TFCP2L1: variants seen among roughly 807,000 people sequenced by gnomAD.
The protein encoded by TFCP2L1 is transcription factor CP2 like 1.
TFCP2L1 carries 12 observed loss-of-function variants against 72.2 expected under a neutral mutation model. The observed-to-expected ratio is 0.17, with a 90% confidence interval of 0.11 to 0.27. The LOEUF (loss-of-function observed/expected upper bound fraction) is 0.27, where lower values mean the gene tolerates loss of function less well. Ranked by LOEUF, TFCP2L1 falls within the 10% of genes least tolerant of loss-of-function variation. TFCP2L1 has a pLI of 1.00. For missense variants in TFCP2L1, 488 were observed against 624.6 expected, an observed-to-expected ratio of 0.78 and a Z score of 2.33; for synonymous variants, 260 against 251.0, an observed-to-expected ratio of 1.04 and a Z score of -0.34.
chr2:121,285,071 C>G lies in TFCP2L1; in HGVS notation c.39G>C (p.Gln13His). ...ACCGCAGGTAGCTGCCGGAGTTGTG[C>G]TGGTTGTAGTGCTCGGGCTGCGTGT... ...FWHTQPEHYNQHNSGSYLRDV... is the reference protein window; with the variant it reads ...FWHTQPEHYNHHNSGSYLRDV... Residue 13 changes from glutamine to histidine, a missense_variant, in exon 1 of 15, where the codon CAG (glutamine) becomes CAC (histidine). This residue lies in a region of TFCP2L1 where 73 missense variants were observed against 59.7 expected (regional missense o/e 1.22). Coordinates refer to ENST00000263707, the MANE Select transcript of TFCP2L1 (RefSeq NM_014553.3). The G allele has an allele frequency of 1.3e-6, 2 of 1,524,000 alleles. No individual in the cohort carries two copies. The highest frequency in any genetic ancestry group is 8.8e-7 in the Non-Finnish European group (1 of 1,138,474). The allele number at this position is 1,524,000 out of a possible 1,614,324, so 94.4% of individuals were successfully genotyped here. A position where few individuals can be genotyped will look rare whatever the true frequency, so the allele number is the denominator to read the frequency against.
At chr2:121,259,333 G>A (rs1686787487) in intron 2 of TFCP2L1, among the ~76,000 whole-genome samples, 1 of 151,460 alleles carries the variant, frequency 6.6e-6, no homozygotes, top group Non-Finnish European at 1.5e-5. Context: ...AAAATATTCA[G>A]CGAGGAAAAA....
intron 2 of TFCP2L1, among the ~76,000 whole-genome samples, chr2:121,276,873 T>C (rs960272169): frequency 1.3e-5 from 2 of 149,754 alleles, no homozygotes; most frequent in Non-Finnish European, 3.0e-5. Context: ...CTTTTAAGCA[T>C]AAAAGAAAAG....
At chr2:121,249,444 G>T in intron 3 of TFCP2L1, 127 bp downstream of exon 3, 1 of 829,934 alleles carries the variant, frequency 1.2e-6, no homozygotes, top group Non-Finnish European at 2.0e-6. Flanking sequence ...TCACCGTTGA[G>T]GGCTGAGCTG....
intron 7 of TFCP2L1, chr2:121,240,803 T>C (rs955261164): frequency 2.2e-6 from 2 of 927,944 alleles, no homozygotes; most frequent in Non-Finnish European, 2.6e-6. Context: ...ATAAATGCAG[T>C]GCTTGCATCC....
At chr2:121,275,673 C>T (rs1046093739) in intron 2 of TFCP2L1, among the ~76,000 whole-genome samples, 2 of 149,728 alleles carry the variant, frequency 1.3e-5, no homozygotes, top group African/African-American at 4.9e-5. Context: ...TGGGTTCAAG[C>T]AATTATCCTG....
intron 2 of TFCP2L1, among the ~76,000 whole-genome samples, chr2:121,274,094 CAA>C (rs569943932): frequency 5.1e-4 from 31 of 60,708 alleles, no homozygotes; most frequent in East Asian, 5.0e-4. Context: ...ACTCTGTCTC[CAA>C]AAAAAAAAAA....
intron 2 of TFCP2L1, among the ~76,000 whole-genome samples, chr2:121,270,027 A>G (rs1481977045): frequency 2.6e-5 from 4 of 151,938 alleles, no homozygotes; most frequent in Non-Finnish European, 4.4e-5. Flanking sequence ...CCAAATATAC[A>G]AGCAGCTCTT....
At chr2:121,256,073 G>T (rs1297290367) in intron 2 of TFCP2L1, among the ~76,000 whole-genome samples, 1 of 152,024 alleles carries the variant, frequency 6.6e-6, no homozygotes, top group African/African-American at 2.4e-5. Flanking sequence ...TTTTATTTCA[G>T]GACCTTCTTC....
intron 2 of TFCP2L1, among the ~76,000 whole-genome samples, chr2:121,280,514 T>C (rs577456386): frequency 7.2e-5 from 11 of 151,972 alleles, no homozygotes; most frequent in Admixed American, 2.0e-4. Flanking sequence ...TCCCAGCACT[T>C]TGGGAGGCGC....
In TFCP2L1 at chr2:121,239,541, A is replaced by G. The variant is rs781131786; in HGVS notation, c.860+17T>C. The G allele has an allele frequency of 6.2e-7, 1 of 1,613,768 alleles. No homozygotes were observed. Among genetic ancestry groups the G allele is most frequent in the Non-Finnish European group, 8.5e-7 (1 of 1,179,696 alleles). On this transcript the variant is annotated intron_variant, in intron 8 of 14. Transcript: ENST00000263707. ...CCTTCATTTCAGGGAACCCGAAGAA[A>G]GAGAGGTGGGACGTACCCTTCGCCG...
In TFCP2L1 at chr2:121,267,570, T is replaced by C. The variant is rs868628584; in HGVS notation, c.214+13550A>G. Among the ~76,000 whole-genome samples, 14 of 151,872 alleles carry C rather than the reference T, an allele frequency of 9.2e-5. No individual in the cohort carries two copies. In the South Asian group the frequency reaches 1.2e-3, roughly 14 times the overall value. On this transcript the variant is annotated intron_variant, in intron 2 of 14. Coordinates refer to ENST00000263707, the MANE Select transcript of TFCP2L1 (RefSeq NM_014553.3). The stretch of plus-strand genomic sequence containing the variant: ...GTGCAGTGGCGCGATCTCGACTCAC[T>C]GCAATCTCCGCCTCCCGGATACAAG...
chr2:121,261,057 G>A (rs1686822399), intron 2 of TFCP2L1, among the ~76,000 whole-genome samples: 1 of 152,228 alleles, frequency 6.6e-6, no homozygotes, highest in African/African-American at 2.4e-5. Flanking sequence ...ACACACGGCT[G>A]ACCTTGTCTC....
chr2:121,249,011 C>T lies in TFCP2L1; in HGVS notation c.368G>A (p.Ser123Asn), dbSNP rs1686547533. Residue 123 changes from serine to asparagine, a missense_variant, in exon 4 of 15, where the codon AGT (serine) becomes AAT (asparagine). Physicochemically the swap from Ser to Asn is conservative, Grantham distance 46 (BLOSUM62 1). Coordinates refer to ENST00000263707, the MANE Select transcript of TFCP2L1 (RefSeq NM_014553.3). The part of the protein sequence containing the change: ...EHQQLEGWRW[S>N]RPGDRILDID... ...GTCCAGGATCCGGTCCCCTGGCCGA[C>T]TCCACCGCCAGCCCTCCAGCTGCTG... is the stretch of plus-strand genomic sequence containing the variant. 6 of 1,603,872 alleles carry T rather than the reference C, an allele frequency of 3.7e-6. No individual in the cohort carries two copies. The South Asian group carries it at 6.8e-5, about 18-fold the overall frequency.
rs941283363 is a variant in TFCP2L1, at chr2:121,240,857, T to C, written c.769-1208A>G. The stretch of plus-strand genomic sequence containing the variant: ...CGTGGGGGAGGCAGGTGACTGACCT[T>C]CAGTCAGATAAAATGCCAGTGCACA... On this transcript the variant is annotated intron_variant, in intron 7 of 14. Coordinates refer to ENST00000263707, the MANE Select transcript of TFCP2L1 (RefSeq NM_014553.3). Among the ~76,000 whole-genome samples, 10 of 152,324 alleles carry C rather than the reference T, an allele frequency of 6.6e-5. No individual in the cohort carries two copies. The East Asian group carries it at 1.5e-3, about 24-fold the overall frequency.
rs1685884566 is a variant in TFCP2L1, at chr2:121,219,131, G to A, written c.*5210C>T. 1 of 152,296 alleles carries A rather than the reference G, an allele frequency of 6.6e-6. No homozygotes were observed. The highest frequency in any genetic ancestry group is 2.1e-4 in the South Asian group (1 of 4,834). The allele number at this position is 152,296 out of a possible 1,614,324, so 9.4% of individuals were successfully genotyped here. On this transcript the variant is annotated 3_prime_UTR_variant, in exon 15 of 15. Coordinates refer to ENST00000263707, the MANE Select transcript of TFCP2L1 (RefSeq NM_014553.3). Reference sequence around the variant, plus strand: ...CGCTCTAGAGACCTTGCCCTGCTCTGGGGGCCTTGCCCAGTGCCACTTACA... The same window carrying A: ...CGCTCTAGAGACCTTGCCCTGCTCTAGGGGCCTTGCCCAGTGCCACTTACA...
At chr2:121,265,212 C>T (rs1237943479) in intron 2 of TFCP2L1, among the ~76,000 whole-genome samples, 2 of 152,042 alleles carry the variant, frequency 1.3e-5, no homozygotes, top group Admixed American at 6.6e-5. Context: ...AGAAAAATGC[C>T]GCCACAAAAG....
chr2:121,254,002 G>A (rs116137740), intron 2 of TFCP2L1, among the ~76,000 whole-genome samples: 4 of 152,292 alleles, frequency 2.6e-5, no homozygotes, highest in African/African-American at 4.8e-5. Flanking sequence ...ACAGGCTGAC[G>A]AGCGAGGTCA....
At chr2:121,248,342 T>C in intron 4 of TFCP2L1, 72 bp from the exon 5 acceptor site, 2 of 1,270,296 alleles carry the variant, frequency 1.6e-6, no homozygotes, top group South Asian at 1.4e-5. Context: ...AAGACCCCTG[T>C]TACAGGTCCC....
At chr2:121,241,549 C>T (rs1450249055) in intron 7 of TFCP2L1, among the ~76,000 whole-genome samples, 1 of 151,454 alleles carries the variant, frequency 6.6e-6, no homozygotes, top group Non-Finnish European at 1.5e-5. Context: ...CTCAGGAGTT[C>T]CCATGGACAT....
Sources: allele counts gnomAD v4.1 joint callset (sites outside exome capture counted in the v4.1 genomes callset), GRCh38; gene constraint gnomAD v4.1.1; regional missense constraint gnomAD v4.1.1; transcripts MANE v1.5; gene names NCBI Gene and HGNC (gene_info 2026-07-23, HGNC 2026-07-21).